NFE2L3: variants seen among roughly 807,000 people sequenced by gnomAD.
NFE2L3 encodes the protein nuclear factor erythroid 2-related factor 3.
Under a neutral mutation model 23.5 loss-of-function variants are expected in NFE2L3, and 18 were observed. The ratio of observed to expected loss-of-function variants is 0.77; its 90% CI spans 0.53 to 1.13. The LOEUF (loss-of-function observed/expected upper bound fraction) is 1.13, where lower values mean the gene tolerates loss of function less well. NFE2L3 is among the 50% of genes most tolerant of loss of function. NFE2L3 has a pLI of 0.00. For missense variants in NFE2L3, 1,152 were observed against 877.2 expected, an observed-to-expected ratio of 1.31 and a Z score of -3.96; for synonymous variants, 424 against 354.5, an observed-to-expected ratio of 1.20 and a Z score of -2.20.
Position 26,182,408 on chromosome 7 carries a change from G to A in NFE2L3, c.751-1293G>A, listed in dbSNP as rs1784533676. Among the ~76,000 whole-genome samples, 2 of 144,660 alleles carry A rather than the reference G, an allele frequency of 1.4e-5. 1 individual carries two copies. Among genetic ancestry groups the A allele is most frequent in the South Asian group, 4.1e-4 (2 of 4,826 alleles). 94.9% of individuals were successfully genotyped at this position (144,660 alleles called of 152,430 possible). ...TGAGGCCAAGGCAGGTGGATCACCT[G>A]TGGTCAGTAGTTCAAGACAAGCCTG... On this transcript the variant is annotated intron_variant, in intron 2 of 3. Coordinates refer to ENST00000056233, the MANE Select transcript of NFE2L3 (RefSeq NM_004289.7).
chr7:26,178,359 A>T (rs1784451101), intron 2 of NFE2L3, among the ~76,000 whole-genome samples: 1 of 152,146 alleles, frequency 6.6e-6, no homozygotes. Flanking sequence ...ATGTGCACAC[A>T]CCCCCTTCCA....
chr7:26,184,270 CATT>C (rs891123706), intron 3 of NFE2L3: 7 of 427,502 alleles, frequency 1.6e-5, no homozygotes, highest in Admixed American at 8.2e-5. Context: ...AAGATTGTAA[CATT>C]AGACTTTTTA....
rs181892554 is a variant in NFE2L3, at chr7:26,171,373, G to T, written c.571-6570G>T. ...AACTTGTTCAACATGGTGAAACCTC[G>T]TTTCTACTAAAAATACAAAAATTAT... On this transcript the variant is annotated intron_variant, in intron 1 of 3. Coordinates refer to ENST00000056233, the MANE Select transcript of NFE2L3 (RefSeq NM_004289.7). Among the ~76,000 whole-genome samples, 377 of 152,086 alleles carry T rather than the reference G, an allele frequency of 2.5e-3. 2 individuals carry two copies. Among genetic ancestry groups the T allele is most frequent in the Middle Eastern group, 0.01 (3 of 294 alleles).
chr7:26,172,562 G>A (rs6461919), intron 1 of NFE2L3, among the ~76,000 whole-genome samples: 26,189 of 152,076 alleles, frequency 0.17, 3,466 homozygotes, highest in African/African-American at 0.38. Context: ...TGTATTTGCC[G>A]AGTCTCTTTA....
chr7:26,164,523 ATTTG>A (rs1308268532), intron 1 of NFE2L3, among the ~76,000 whole-genome samples: 1 of 151,956 alleles, frequency 6.6e-6, no homozygotes, highest in Non-Finnish European at 1.5e-5. Flanking sequence ...TTTCTTGTAA[ATTTG>A]TTTGAGTTCT....
chr7:26,184,444 CAA>C (rs1358711988), intron 3 of NFE2L3, 87 bp from the exon 4 acceptor site: 15 of 1,232,158 alleles, frequency 1.2e-5, no homozygotes, highest in Admixed American at 1.1e-4. Flanking sequence ...GAGGAATTGA[CAA>C]AAGAGGGGAA....
chr7:26,164,488 G>A (rs1167208305), intron 1 of NFE2L3, among the ~76,000 whole-genome samples: 9 of 152,158 alleles, frequency 5.9e-5, no homozygotes, highest in South Asian at 4.2e-4. Context: ...TCCTTTGCCC[G>A]CTTGTTGATG....
At position 26,152,346 on chromosome 7, in the gene NFE2L3, C is replaced by T. The variant is rs1420426927; in HGVS notation, c.-153C>T. ...GCCTTTGTGCCCGGTGCTGGGAACC[C>T]GCGACGGCCGCCACGCGCCCCGGTC... On this transcript the variant is annotated 5_prime_UTR_variant, in exon 1 of 4. Transcript: ENST00000056233. The surrounding 1 kb of genome is among the most constrained non-coding windows in gnomAD (Gnocchi z 4.4). 117 of 424,848 alleles carry T rather than the reference C, an allele frequency of 2.8e-4. No homozygotes were observed. Among genetic ancestry groups the T allele is most frequent in the Non-Finnish European group, 7.9e-5 (22 of 280,106 alleles). 26.3% of individuals were successfully genotyped at this position (424,848 alleles called of 1,614,324 possible).
At position 26,185,049 on chromosome 7, in the gene NFE2L3, A is replaced by G. The variant is rs1782445109; in HGVS notation, c.1351A>G (p.Thr451Ala). The change falls in exon 4 of 4, where the codon ACT becomes GCT. Residue 451 changes from threonine to alanine, a missense_variant. Thr to Ala is a moderately conservative substitution (Grantham distance 58). Transcript: ENST00000056233. ...VCDEGAIGYC[T>A]DHESSSHHDL... Reference sequence around the variant, plus strand: ...TGATGAAGGTGCTATAGGTTATTGCACTGACCATGAATCTAGTTCCCATCA... The same window carrying G: ...TGATGAAGGTGCTATAGGTTATTGCGCTGACCATGAATCTAGTTCCCATCA... 6.2e-7 allele frequency: 1 copy of G among 1,613,888 alleles called. No individual in the cohort carries two copies. Among genetic ancestry groups the G allele is most frequent in the Non-Finnish European group, 8.5e-7 (1 of 1,179,822 alleles).
chr7:26,180,266 A>G (rs1404229111), intron 2 of NFE2L3, among the ~76,000 whole-genome samples: 2 of 152,086 alleles, frequency 1.3e-5, no homozygotes, highest in South Asian at 2.1e-4. Flanking sequence ...GGGGGTAGAG[A>G]GCACACCCCA....
In NFE2L3 at chr7:26,184,296, C is replaced by T. The variant is rs1026768988; in HGVS notation, c.835-237C>T. The T allele has an allele frequency of 6.3e-5, 29 of 457,026 alleles. 1 individual carries two copies. The Middle Eastern group carries it at 1.7e-3, about 27-fold the overall frequency. 28.3% of individuals were successfully genotyped at this position (457,026 alleles called of 1,614,324 possible). ...ATTAGACTTTTTAAGAAAATCCAGT[C>T]AGCTTTTATACTAATCCATCTTAAT... On this transcript the variant is annotated intron_variant, in intron 3 of 3. Transcript: ENST00000056233.
At position 26,185,845 on chromosome 7, in the gene NFE2L3, ATCAG is replaced by A; in HGVS notation, c.*63_*66del. 1 of 1,324,964 alleles carries A rather than the reference ATCAG, an allele frequency of 7.5e-7. No individual in the cohort carries two copies. The highest frequency in any genetic ancestry group is 2.5e-5 in the East Asian group (1 of 40,494). 82.1% of individuals were successfully genotyped at this position (1,324,964 alleles called of 1,614,324 possible). A position where few individuals can be genotyped will look rare whatever the true frequency, so the allele number is the denominator to read the frequency against. ...TAATGTTCAGAAACTGATTATTTGG[ATCAG>A]AAACCATTGAAACTGCTTCAAGAAT... On this transcript the variant is annotated 3_prime_UTR_variant, in exon 4 of 4. Transcript: ENST00000056233.
chr7:26,179,480 A>G (rs1312252922), intron 2 of NFE2L3, among the ~76,000 whole-genome samples: 1 of 151,646 alleles, frequency 6.6e-6, no homozygotes, highest in Non-Finnish European at 1.5e-5. Flanking sequence ...AACCTGGGCA[A>G]CAGAGTGAGA....
rs1486695799 is a variant in NFE2L3 at position 26,186,455 on chromosome 7, A to C, written c.*672A>C. 6.6e-6 allele frequency: 1 copy of C among 151,836 alleles called. No homozygotes were observed. The highest frequency in any genetic ancestry group is 2.4e-5 in the African/African-American group (1 of 41,230). 9.4% of individuals were successfully genotyped at this position (151,836 alleles called of 1,614,324 possible). A position where few individuals can be genotyped will look rare whatever the true frequency, so the allele number is the denominator to read the frequency against. On this transcript the variant is annotated 3_prime_UTR_variant, in exon 4 of 4. Transcript: ENST00000056233. ...AACATAGTATGCCAAATCCATAGTA[A>C]GGCAAATCCACCCCCCTACCCCAAT...
rs190448962 is a variant in NFE2L3, at chr7:26,186,548, C to G, written c.*765C>G. The stretch of plus-strand genomic sequence containing the variant: ...ACCTACGGTCACTGGTAGTTTGAGC[C>G]ACAGGCCTTCCTCATGTAACCAGAG... On this transcript the variant is annotated 3_prime_UTR_variant, in exon 4 of 4. Transcript: ENST00000056233. 3.3e-5 allele frequency: 5 copies of G among 152,308 alleles called. No homozygotes were observed. In the East Asian group the frequency reaches 9.6e-4, roughly 29 times the overall value. 9.4% of individuals were successfully genotyped at this position (152,308 alleles called of 1,614,324 possible).
In NFE2L3 at chr7:26,178,179, G is replaced by A. The variant is rs1380750445; in HGVS notation, c.750+57G>A. 32 of 1,492,290 alleles carry A rather than the reference G, an allele frequency of 2.1e-5. No individual in the cohort carries two copies. The Middle Eastern group carries it at 1.2e-3, about 57-fold the overall frequency. The allele number at this position is 1,492,290 out of a possible 1,614,324, so 92.4% of individuals were successfully genotyped here. A position where few individuals can be genotyped will look rare whatever the true frequency, so the allele number is the denominator to read the frequency against. ...TTTTGGTTTTAATGTAGATTTTGTGGCATTGACAGTTTGTGTCAAGAATGA... is the reference window on the plus strand; with the variant it reads ...TTTTGGTTTTAATGTAGATTTTGTGACATTGACAGTTTGTGTCAAGAATGA... On this transcript the variant is annotated intron_variant, in intron 2 of 3. Transcript: ENST00000056233.
intron 1 of NFE2L3, among the ~76,000 whole-genome samples, chr7:26,169,749 T>G (rs1161664644): frequency 6.6e-6 from 1 of 152,230 alleles, no homozygotes; most frequent in Non-Finnish European, 1.5e-5. Context: ...CCTAAGTCTG[T>G]GCAGGTTGAA....
chr7:26,177,883 T>G, intron 1 of NFE2L3, 60 bp from the exon 2 acceptor site: 1 of 1,442,220 alleles, frequency 6.9e-7, no homozygotes, highest in Non-Finnish European at 9.5e-7. Flanking sequence ...CCCTGAACAA[T>G]AAGCACAATG....
intron 2 of NFE2L3, among the ~76,000 whole-genome samples, chr7:26,179,657 C>G (rs144020425): frequency 1.9e-3 from 284 of 152,174 alleles, no homozygotes; most frequent in Middle Eastern, 0.014. Flanking sequence ...AGTGATCCGT[C>G]ATCATGCCAC....
Sources: allele counts gnomAD v4.1 joint callset (sites outside exome capture counted in the v4.1 genomes callset), GRCh38; gene constraint gnomAD v4.1.1; non-coding constraint Gnocchi (gnomAD v3.1); transcripts MANE v1.5; gene names NCBI Gene and HGNC (gene_info 2026-07-23, HGNC 2026-07-21).